Variants in DYNC2H1 observed in about 807,000 individuals in gnomAD.
DYNC2H1 encodes cytoplasmic dynein 2 heavy chain 1.
In DYNC2H1, 410 loss-of-function variants were observed where a neutral mutation model predicts 570.0. The ratio of observed to expected loss-of-function variants is 0.72; its 90% CI spans 0.66 to 0.78. The LOEUF (loss-of-function observed/expected upper bound fraction) is 0.78, where lower values mean the gene tolerates loss of function less well. Ranked by LOEUF, DYNC2H1 falls within the 30% of genes least tolerant of loss-of-function variation. The pLI is 0.00. For synonymous variants in DYNC2H1, 1,688 were observed against 1,677.6 expected (o/e 1.01, Z -0.15); for missense variants, 4,865 against 5,046.4 (o/e 0.96, Z 1.09).
chr11:103,450,370 A>G (rs1201533247), intron 85 of DYNC2H1, among the ~76,000 whole-genome samples: 2 of 152,208 alleles, frequency 1.3e-5, no homozygotes, highest in African/African-American at 4.8e-5. Flanking sequence ...TTTATAGAAC[A>G]TTAACAAAAG....
chr11:103,245,701 G>A lies in DYNC2H1; in HGVS notation c.10042+327G>A, dbSNP rs2135231972. Among the ~76,000 whole-genome samples, 1 of 152,172 alleles carries A rather than the reference G, an allele frequency of 6.6e-6. No individual in the cohort carries two copies. Among genetic ancestry groups the A allele is most frequent in the Middle Eastern group, 3.4e-3 (1 of 294 alleles). On this transcript the variant is annotated intron_variant, in intron 65 of 88. Coordinates refer to ENST00000375735, the MANE Select transcript of DYNC2H1 (RefSeq NM_001377.3). This position sits in a 1 kb window ranked among gnomAD's most constrained non-coding sequence, Gnocchi z 4.5. ...TGTACAAACAGTTTAGGCACAGTGA[G>A]CCACTTTTTTGAGTTCTGAGGATGG...
rs749292730 is a variant in DYNC2H1, at chr11:103,170,293, A to G, written c.5151+3A>G. On this transcript the variant is annotated splice_donor_region_variant and intron_variant, in intron 33 of 88. Transcript: ENST00000375735. This position sits in a 1 kb window ranked among gnomAD's most constrained non-coding sequence, Gnocchi z 4.8. ...TTTTAGTCTTTAATTGTGATGAGGTAGAATAAATAATTATCAAAATATGTA... is the reference window on the plus strand; with the variant it reads ...TTTTAGTCTTTAATTGTGATGAGGTGGAATAAATAATTATCAAAATATGTA... The G allele has an allele frequency of 4.5e-6, 7 of 1,557,536 alleles. No individual in the cohort carries two copies. The highest frequency in any genetic ancestry group is 1.3e-5 in the South Asian group (1 of 79,450).
rs527320393 is a variant in DYNC2H1 at position 103,379,782 on chromosome 11, T to C, written c.12157-19881T>C. On this transcript the variant is annotated intron_variant, in intron 83 of 88. Coordinates refer to ENST00000375735, the MANE Select transcript of DYNC2H1 (RefSeq NM_001377.3). ...TCCTTCTCCTGGAATCTCCTAGCTA[T>C]GCTTAACCAATAAAAATCAGATAAT... is the stretch of plus-strand genomic sequence containing the variant. Among the ~76,000 whole-genome samples, 12 of 152,324 alleles carry C rather than the reference T, an allele frequency of 7.9e-5. No individual in the cohort carries two copies. In the South Asian group the frequency reaches 2.5e-3, roughly 32 times the overall value.
rs149894028 is a variant in DYNC2H1, at chr11:103,338,831, G to A, written c.12039+14841G>A. Among the ~76,000 whole-genome samples the A allele has an allele frequency of 5.2e-3, 794 of 152,246 alleles. 32 individuals are homozygous for A. The highest frequency in any genetic ancestry group is 0.047 in the Admixed American group (721 of 15,294). On this transcript the variant is annotated intron_variant, in intron 82 of 88. Transcript: ENST00000375735. ...GGATTGGTCACTGGTGCCCTATTTA[G>A]TCTGTTTGGTGAGGTCATGTTTTCC...
intron 10 of DYNC2H1, among the ~76,000 whole-genome samples, 155 bp downstream of exon 10, chr11:103,121,651 T>C (rs1269063339): frequency 1.3e-5 from 2 of 152,232 alleles, no homozygotes; most frequent in Admixed American, 6.5e-5. Context: ...TGAAAAAGTA[T>C]GCAGAGGAGT....
chr11:103,370,528 G>A (rs1322514594), intron 83 of DYNC2H1, among the ~76,000 whole-genome samples: 2 of 152,160 alleles, frequency 1.3e-5, no homozygotes, highest in Non-Finnish European at 2.9e-5. Flanking sequence ...ACCTAGTGCT[G>A]TGCTGGCTTC....
intron 84 of DYNC2H1, among the ~76,000 whole-genome samples, chr11:103,432,415 T>G (rs1402131941): frequency 6.6e-6 from 1 of 152,154 alleles, no homozygotes; most frequent in Non-Finnish European, 1.5e-5. Context: ...TGTTGTCAAC[T>G]TCCGATAACT....
chr11:103,183,310 G>T (rs919161194), intron 40 of DYNC2H1, among the ~76,000 whole-genome samples: 9 of 151,804 alleles, frequency 5.9e-5, no homozygotes, highest in African/African-American at 2.2e-4. Context: ...TCTGCTCATA[G>T]ATGTGTGAAT....
intron 84 of DYNC2H1, among the ~76,000 whole-genome samples, chr11:103,433,282 CTGCACAT>C (rs1004824221): frequency 1.3e-5 from 2 of 151,672 alleles, no homozygotes; most frequent in Non-Finnish European, 2.9e-5. Flanking sequence ...TTAATAGTAT[CTGCACAT>C]TGTAGATAGT....
At chr11:103,162,891 C>G (rs1455034862) in intron 29 of DYNC2H1, 137 bp from the exon 30 acceptor site, 7 of 589,414 alleles carry the variant, frequency 1.2e-5, no homozygotes, top group Non-Finnish European at 1.8e-5. Context: ...GTGTAATGAT[C>G]AATAGGAAAG....
rs1442777752 is a variant in DYNC2H1 at position 103,253,294 on chromosome 11, A to T, written c.10052A>T (p.Tyr3351Phe). ...RRDLVAQGPR[Y>F]VVQIGDKIID... ...TGTTTTTTTTAAATAGGACCACGTT[A>T]TGTGGTACAAATAGGTGACAAAATT... Residue 3351 changes from tyrosine (Y) to phenylalanine (F), a missense_variant, in exon 66 of 89, where the codon TAT becomes TTT. Tyr to Phe is a conservative substitution (Grantham distance 22, BLOSUM62 3). Transcript: ENST00000375735. The T allele has an allele frequency of 3.1e-6, 5 of 1,611,672 alleles. No individual in the cohort carries two copies. The highest frequency in any genetic ancestry group is 1.7e-5 in the Admixed American group (1 of 59,914).
intron 82 of DYNC2H1, among the ~76,000 whole-genome samples, chr11:103,332,096 G>T (rs1270597266): frequency 6.6e-6 from 1 of 150,936 alleles, no homozygotes; most frequent in East Asian, 1.9e-4. Flanking sequence ...CGATGAAAAA[G>T]CATAATATGC....
intron 84 of DYNC2H1, among the ~76,000 whole-genome samples, chr11:103,408,840 C>G (rs1283914174): frequency 6.6e-6 from 1 of 151,948 alleles, no homozygotes; most frequent in Admixed American, 6.6e-5. Flanking sequence ...AAATTATGCT[C>G]CAAGGTCACC....
chr11:103,251,979 A>G (rs1239617060), intron 65 of DYNC2H1, among the ~76,000 whole-genome samples: 1 of 145,468 alleles, frequency 6.9e-6, no homozygotes, highest in Non-Finnish European at 1.5e-5. Flanking sequence ...GCTTGAGTAC[A>G]GTGGTGTGAT....
intron 57 of DYNC2H1, among the ~76,000 whole-genome samples, chr11:103,221,651 TTTGAGACCAGCCTGGGCCACATGG>T (rs1863591129): frequency 6.6e-6 from 1 of 151,762 alleles, no homozygotes; most frequent in South Asian, 2.1e-4. Flanking sequence ...AGGCCAGGAG[TTTGAGACCAGCCTGGGCCACATGG>T]TTAAACCCCA....
chr11:103,135,727 C>T lies in DYNC2H1; in HGVS notation c.2353C>T (p.Arg785Ter), dbSNP rs755883373. The T allele has an allele frequency of 1.2e-6, 2 of 1,608,302 alleles. No homozygotes were observed. The highest frequency in any genetic ancestry group is 1.7e-5 in the Admixed American group (1 of 59,586). The change falls in exon 17 of 89, where the codon CGA (arginine) becomes TGA (stop). Residue 785 changes from arginine (R) to a stop codon, truncating the protein, a stop_gained. Transcript: ENST00000375735. LOFTEE classifies it high-confidence loss of function. Reference sequence around the variant, plus strand: ...TTATTTATTTACTTTTAGACAGGGACGATTACAATTCAGGCCCCCTTTTGA... The same window carrying T: ...TTATTTATTTACTTTTAGACAGGGATGATTACAATTCAGGCCCCCTTTTGA... ...INIDLTYKQG[R>*]LQFRPPFEEI...
chr11:103,453,979 TAAG>T (rs1188179395), intron 85 of DYNC2H1, among the ~76,000 whole-genome samples: 1 of 152,098 alleles, frequency 6.6e-6, no homozygotes, highest in Non-Finnish European at 1.5e-5. Context: ...TATGCTTCGC[TAAG>T]AAGATCTTTT....
At chr11:103,381,724 G>A (rs1222836380) in intron 83 of DYNC2H1, among the ~76,000 whole-genome samples, 1 of 152,232 alleles carries the variant, frequency 6.6e-6, no homozygotes, top group Non-Finnish European at 1.5e-5. Flanking sequence ...TGGGATTACA[G>A]GCGTGAGCCA....
chr11:103,197,919 A>G lies in DYNC2H1; in HGVS notation c.7709-14A>G, dbSNP rs928862967. 14 of 1,560,622 alleles carry G rather than the reference A, an allele frequency of 9.0e-6. No homozygotes were observed. The highest frequency in any genetic ancestry group is 1.2e-5 in the Non-Finnish European group (14 of 1,152,262). On this transcript the variant is annotated splice_polypyrimidine_tract_variant and intron_variant, in intron 47 of 88. Coordinates refer to ENST00000375735, the MANE Select transcript of DYNC2H1 (RefSeq NM_001377.3). ...GTAATGCATATAAAACAAAAATATC[A>G]TTTATTTCCACAGATAGTTTCTACG...
Sources: gnomAD v4.1 joint callset for allele counts (sites outside exome capture counted in the v4.1 genomes callset) on GRCh38, gnomAD v4.1.1 for gene constraint, Gnocchi (gnomAD v3.1) non-coding constraint, MANE v1.5 for transcripts, NCBI Gene and HGNC (gene_info 2026-07-23, HGNC 2026-07-21) for gene names.